The following DDX60L variants were observed in gnomAD, a reference collection of about 807,000 sequenced individuals.
DDX60L encodes the protein probable ATP-dependent RNA helicase DDX60-like.
Under a neutral mutation model 211.6 loss-of-function variants are expected in DDX60L, and 191 were observed. The observed-to-expected ratio is 0.90, with a 90% CI of 0.80 to 1.02. The LOEUF is 1.02. DDX60L is among the 50% of genes least tolerant of loss of function. DDX60L has a pLI of 0.00. For synonymous variants in DDX60L, 706 were observed against 694.1 expected (o/e 1.02, Z -0.27); for missense variants, 2,007 against 1,984.1 (o/e 1.01, Z -0.22).
intron 1 of DDX60L, among the ~76,000 whole-genome samples, chr4:168,479,565 G>C (rs1760105395): frequency 6.6e-6 from 1 of 152,100 alleles, no homozygotes; most frequent in African/African-American, 2.4e-5. Flanking sequence ...GGAAAACCTT[G>C]AGAAGTTTAT....
At chr4:168,387,167 G>C (rs371924343) in intron 29 of DDX60L, among the ~76,000 whole-genome samples, 1 of 152,148 alleles carries the variant, frequency 6.6e-6, no homozygotes, top group Non-Finnish European at 1.5e-5. Flanking sequence ...AGGCAGTCAC[G>C]GCAGGGTGAG....
intron 30 of DDX60L, among the ~76,000 whole-genome samples, chr4:168,383,213 T>C (rs1001564244): frequency 1.3e-5 from 2 of 152,210 alleles, no homozygotes; most frequent in African/African-American, 4.8e-5. Flanking sequence ...ACAAAATTAT[T>C]TTTTTCTGTC....
At chr4:168,401,054 G>A (rs1579394568) in intron 25 of DDX60L, 76 bp from the exon 26 acceptor site, 10 of 1,355,586 alleles carry the variant, frequency 7.4e-6, no homozygotes, top group Middle Eastern at 3.7e-4. Flanking sequence ...AAAATTATAA[G>A]GCCCCTCAAT....
At position 168,418,287 on chromosome 4, in the gene DDX60L, C is replaced by T. The variant is rs190787796; in HGVS notation, c.2610+1015G>A. On this transcript the variant is annotated intron_variant, in intron 19 of 37. Coordinates refer to ENST00000682922, the MANE Select transcript of DDX60L (RefSeq NM_001012967.3). ...TTCACCATGTTGGTCAGGCTGGTCT[C>T]GAACTCCTGACCTCAGGTGATCCAC... Among the ~76,000 whole-genome samples the T allele has an allele frequency of 3.3e-5, 5 of 152,210 alleles. No individual in the cohort carries two copies. The East Asian group carries it at 9.7e-4, about 29-fold the overall frequency.
Position 168,448,723 on chromosome 4 carries a change from A to C in DDX60L, c.1053T>G (p.Asn351Lys). 1 of 1,607,202 alleles carries C rather than the reference A, an allele frequency of 6.2e-7. No homozygotes were observed. Among genetic ancestry groups the C allele is most frequent in the Non-Finnish European group, 8.5e-7 (1 of 1,174,754 alleles). Residue 351 changes from asparagine to lysine, a missense_variant, in exon 9 of 38, where the codon AAT (asparagine) becomes AAG (lysine). Transcript: ENST00000682922. ...AGTCAGAAACATGATTTAAATTCAG[A>C]TTCCAGCATCCAAAAACGTTTAAGT... is the stretch of plus-strand genomic sequence containing the variant. ...LSNLNVFGCW[N>K]LNLNHVSDLY...
chr4:168,467,445 CAAAA>C (rs199648164), intron 4 of DDX60L, among the ~76,000 whole-genome samples: 44 of 109,098 alleles, frequency 4.0e-4, no homozygotes, highest in African/African-American at 1.2e-3. Flanking sequence ...GTTTCCATTC[CAAAA>C]AAAAAAAAAA....
At chr4:168,442,567 G>T (rs1018114524) in intron 9 of DDX60L, among the ~76,000 whole-genome samples, 2 of 152,162 alleles carry the variant, frequency 1.3e-5, no homozygotes, top group Non-Finnish European at 2.9e-5. Context: ...CTCCACCTCT[G>T]GGGGCAGGGC....
intron 27 of DDX60L, among the ~76,000 whole-genome samples, chr4:168,395,169 C>T (rs1410780224): frequency 1.3e-5 from 2 of 152,078 alleles, no homozygotes; most frequent in African/African-American, 4.8e-5. Context: ...CAAGAAAAAA[C>T]AATAAAAATA....
chr4:168,457,674 A>G (rs1198286771), intron 6 of DDX60L, among the ~76,000 whole-genome samples: 1 of 152,186 alleles, frequency 6.6e-6, no homozygotes, highest in Non-Finnish European at 1.5e-5. Context: ...AGTCTGTTTT[A>G]AAATATGGCT....
intron 1 of DDX60L, among the ~76,000 whole-genome samples, chr4:168,473,704 A>G (rs907946754): frequency 2.9e-4 from 44 of 152,168 alleles, no homozygotes; most frequent in African/African-American, 1.0e-3. Context: ...AGGTAGAGGA[A>G]ATCACTGAAT....
chr4:168,400,670 C>T (rs572160130), intron 26 of DDX60L, among the ~76,000 whole-genome samples, 156 bp downstream of exon 26: 1 of 152,148 alleles, frequency 6.6e-6, no homozygotes, highest in South Asian at 2.1e-4. Flanking sequence ...GATTCCCTTC[C>T]TCCCATCCTC....
At chr4:168,430,683 T>C in intron 12 of DDX60L, 45 bp from the exon 13 acceptor site, 1 of 1,395,582 alleles carries the variant, frequency 7.2e-7, no homozygotes, top group Non-Finnish European at 9.5e-7. Context: ...TTTAAAATAT[T>C]GCTATATATG....
intron 35 of DDX60L, among the ~76,000 whole-genome samples, chr4:168,372,591 C>T (rs1171994485): frequency 1.3e-5 from 2 of 151,778 alleles, no homozygotes; most frequent in Non-Finnish European, 2.9e-5. Flanking sequence ...GCTGGGCATG[C>T]TGGCACGTGC....
chr4:168,371,931 C>T (rs1741105125), intron 35 of DDX60L, among the ~76,000 whole-genome samples, 168 bp from the exon 36 acceptor site: 1 of 151,926 alleles, frequency 6.6e-6, no homozygotes, highest in Admixed American at 6.6e-5. Flanking sequence ...GAAATAGGGC[C>T]CATTACAGTG....
At chr4:168,441,303 G>A (rs1376557293) in intron 10 of DDX60L, 34 bp downstream of exon 10, 2 of 1,541,908 alleles carry the variant, frequency 1.3e-6, no homozygotes, top group Non-Finnish European at 1.8e-6. Flanking sequence ...GGACAAACAT[G>A]CTTTTGTTCC....
At position 168,471,829 on chromosome 4, in the gene DDX60L, T is replaced by C. The variant is rs914645009; in HGVS notation, c.182A>G (p.Asn61Ser). 6.2e-7 allele frequency: 1 copy of C among 1,613,548 alleles called. No individual in the cohort carries two copies. The change falls in exon 4 of 38, where the codon AAT becomes AGT. Residue 61 changes from asparagine (N) to serine (S), a missense_variant. By Grantham distance (46) the Asn-to-Ser change is conservative (BLOSUM62 1). Transcript: ENST00000682922. Reference sequence around the variant, plus strand: ...TTCAACCAGATAGAAAAAGTGGAGATTCTGTCCCCACTTGAATGATTTTAC... The same window carrying C: ...TTCAACCAGATAGAAAAAGTGGAGACTCTGTCCCCACTTGAATGATTTTAC... ...LGVKSFKWGQ[N>S]LHFFYLVECY...
intron 1 of DDX60L, among the ~76,000 whole-genome samples, chr4:168,473,794 A>T (rs1759121284): frequency 6.6e-6 from 1 of 152,170 alleles, no homozygotes; most frequent in Non-Finnish European, 1.5e-5. Context: ...AACTTTTGGC[A>T]CTCAAATCCT....
chr4:168,365,276 A>G (rs75036071), intron 36 of DDX60L, among the ~76,000 whole-genome samples: 7,063 of 152,148 alleles, frequency 0.046, 216 homozygotes, highest in Non-Finnish European at 0.071. Context: ...ATAAACCTTT[A>G]GCTAGACTAA....
At chr4:168,400,390 G>C (rs1364961765) in intron 26 of DDX60L, among the ~76,000 whole-genome samples, 2 of 152,136 alleles carry the variant, frequency 1.3e-5, no homozygotes, top group East Asian at 3.9e-4. Flanking sequence ...CCAGCAATGG[G>C]ATTGCTGGGT....
Sources: gnomAD v4.1 joint callset for allele counts (sites outside exome capture counted in the v4.1 genomes callset) on GRCh38, gnomAD v4.1.1 for gene constraint, MANE v1.5 for transcripts, NCBI Gene and HGNC (gene_info 2026-07-23, HGNC 2026-07-21) for gene names.